PDE4D: variants seen among roughly 807,000 people sequenced by gnomAD.
PDE4D encodes the protein phosphodiesterase 4D.
A neutral mutation model predicts 87.4 loss-of-function variants in PDE4D; 24 were observed. The observed-to-expected ratio is 0.27, with a 90% confidence interval of 0.20 to 0.39. PDE4D has a LOEUF of 0.39. PDE4D is among the 10% of genes least tolerant of loss of function. The pLI is 1.00. For synonymous variants in PDE4D, 384 were observed against 383.2 expected, an observed-to-expected ratio of 1.00 and a Z score of -0.02; for missense variants, 714 against 1,041.0, an observed-to-expected ratio of 0.69 and a Z score of 4.32.
At chr5:60,053,872 G>A (rs193275147) in intron 2 of PDE4D, among the ~76,000 whole-genome samples, 89 of 152,212 alleles carry the variant, frequency 5.8e-4, no homozygotes, top group South Asian at 3.5e-3. Context: ...AAAAGTGGGC[G>A]AAGGATATGA....
At chr5:59,945,105 T>G (rs1757599521) in intron 3 of PDE4D, among the ~76,000 whole-genome samples, 1 of 152,248 alleles carries the variant, frequency 6.6e-6, no homozygotes, top group Admixed American at 6.5e-5. Flanking sequence ...CTATTATTAC[T>G]TTGCCAAGTT....
rs117835205 is a variant in PDE4D, at chr5:59,864,561, G to T, written c.455+28607C>A. 2.1e-3 allele frequency among the ~76,000 whole-genome samples: 316 copies of T among 152,238 alleles called. 5 individuals carry two copies. In the East Asian group the frequency reaches 0.045, roughly 22 times the overall value. On this transcript the variant is annotated intron_variant, in intron 1 of 14. Transcript: ENST00000340635. Reference sequence around the variant, plus strand: ...TAATAATTAATTGCAATGTAAAAGGGCATTTCACTATGCTTAGCAAAGAGC... The same window carrying T: ...TAATAATTAATTGCAATGTAAAAGGTCATTTCACTATGCTTAGCAAAGAGC...
intron 2 of PDE4D, among the ~76,000 whole-genome samples, chr5:60,066,192 T>A (rs1408395544): frequency 5.9e-5 from 9 of 152,212 alleles, no homozygotes; most frequent in Non-Finnish European, 2.9e-5. Flanking sequence ...CCAGTGATGA[T>A]GAGCATTTTT....
chr5:59,538,383 T>C (rs1253158277), intron 1 of PDE4D, among the ~76,000 whole-genome samples: 1 of 152,170 alleles, frequency 6.6e-6, no homozygotes, highest in Non-Finnish European at 1.5e-5. Flanking sequence ...CTAGCCCAAA[T>C]GGAACACATA....
At chr5:59,022,585 C>T (rs1347322574) in intron 6 of PDE4D, among the ~76,000 whole-genome samples, 1 of 152,108 alleles carries the variant, frequency 6.6e-6, no homozygotes, top group African/African-American at 2.4e-5. Flanking sequence ...TCCCTCCATC[C>T]CACCTCCAAA....
intron 2 of PDE4D, among the ~76,000 whole-genome samples, chr5:60,030,657 T>C (rs1767146807): frequency 6.6e-6 from 1 of 152,220 alleles, no homozygotes; most frequent in African/African-American, 2.4e-5. Flanking sequence ...CCTATTATAT[T>C]TCAACCATAG....
intron 1 of PDE4D, among the ~76,000 whole-genome samples, chr5:60,476,941 C>G (rs1032907014): frequency 6.6e-6 from 1 of 152,150 alleles, no homozygotes; most frequent in Non-Finnish European, 1.5e-5. Flanking sequence ...TCCATTTTGT[C>G]TACTTTTACA....
chr5:59,745,087 AT>A (rs1446853641), intron 1 of PDE4D, among the ~76,000 whole-genome samples: 8 of 152,200 alleles, frequency 5.3e-5, no homozygotes, highest in African/African-American at 1.9e-4. Flanking sequence ...ATAATCCTGC[AT>A]CTTATCAGCT....
intron 1 of PDE4D, among the ~76,000 whole-genome samples, chr5:59,225,764 T>C (rs1753640681): frequency 6.6e-6 from 1 of 151,692 alleles, no homozygotes; most frequent in Admixed American, 6.6e-5. Flanking sequence ...TATTAATATC[T>C]ACAATACATA....
At chr5:59,872,236 C>T (rs1035835051) in intron 1 of PDE4D, among the ~76,000 whole-genome samples, 3 of 150,830 alleles carry the variant, frequency 2.0e-5, no homozygotes, top group African/African-American at 7.3e-5. Context: ...AATGCAAAAC[C>T]ACTGATGGAT....
rs550651994 is a variant in PDE4D at position 60,250,379 on chromosome 5, G to A, written c.-89-64692C>T. ...AGGTGTCTCTAAGCTGGTAATAGTC[G>A]GGGTTGGATTTGTCTCAAAGCAGCA... On this transcript the variant is annotated intron_variant, in intron 1 of 16. Coordinates refer to the PDE4D transcript ENST00000502484. Among the ~76,000 whole-genome samples, 9 of 151,898 alleles carry A rather than the reference G, an allele frequency of 5.9e-5. No homozygotes were observed. The South Asian group carries it at 1.0e-3, about 18-fold the overall frequency.
At chr5:59,616,925 A>ATATATC (rs1158447204) in intron 1 of PDE4D, among the ~76,000 whole-genome samples, 1 of 120,354 alleles carries the variant, frequency 8.3e-6, no homozygotes, top group Non-Finnish European at 1.7e-5. Flanking sequence ...TTACATATAT[A>ATATATC]TATATATATA....
intron 2 of PDE4D, among the ~76,000 whole-genome samples, chr5:60,165,449 C>T (rs1368862898): frequency 6.6e-6 from 1 of 152,060 alleles, no homozygotes; most frequent in Non-Finnish European, 1.5e-5. Flanking sequence ...TAGTGTGATG[C>T]CTCCAGCTTT....
chr5:60,474,194 T>G (rs192748654), intron 1 of PDE4D, among the ~76,000 whole-genome samples: 1 of 141,544 alleles, frequency 7.1e-6, no homozygotes, highest in Admixed American at 7.4e-5. Context: ...CAGAAATTTA[T>G]TGCTTATAGT....
At chr5:60,016,233 T>C (rs1765506505) in intron 2 of PDE4D, among the ~76,000 whole-genome samples, 1 of 152,176 alleles carries the variant, frequency 6.6e-6, no homozygotes, top group Non-Finnish European at 1.5e-5. Context: ...CTGCAGTCTA[T>C]TAGGTGTGTA....
intron 2 of PDE4D, among the ~76,000 whole-genome samples, chr5:60,009,515 T>C (rs1285589979): frequency 6.6e-6 from 1 of 151,940 alleles, no homozygotes; most frequent in Admixed American, 6.6e-5. Context: ...ATAAACAGTA[T>C]AAACAAGTGA....
intron 1 of PDE4D, among the ~76,000 whole-genome samples, chr5:60,195,627 G>C (rs1387420677): frequency 6.6e-6 from 1 of 151,534 alleles, no homozygotes; most frequent in Non-Finnish European, 1.5e-5. Flanking sequence ...CTGTGCTCTA[G>C]GGTCCAGGGA....
intron 2 of PDE4D, among the ~76,000 whole-genome samples, chr5:60,085,954 T>C (rs1774472217): frequency 6.6e-6 from 1 of 152,192 alleles, no homozygotes; most frequent in Admixed American, 6.5e-5. Context: ...TTAACACAAT[T>C]GACTTTACAG....
chr5:60,521,894 C>G (rs1399943331), intron 1 of PDE4D: 1 of 151,402 alleles, frequency 6.6e-6, no homozygotes, highest in Non-Finnish European at 1.5e-5. Flanking sequence ...CTCCTGAGTC[C>G]TTGGAACCCT....
Sources: allele counts gnomAD v4.1 joint callset (sites outside exome capture counted in the v4.1 genomes callset), GRCh38; gene constraint gnomAD v4.1.1; transcripts MANE v1.5; gene names NCBI Gene and HGNC (gene_info 2026-07-23, HGNC 2026-07-21).